Variants in SYN3 observed in about 807,000 individuals in gnomAD.
SYN3 encodes synapsin-3.
SYN3 carries 35 observed loss-of-function variants against 65.8 expected under a neutral mutation model. That is an observed-to-expected ratio of 0.53 (90% CI 0.41 to 0.70). The LOEUF is 0.70. Among genes scored for constraint, SYN3 ranks in the 30% least tolerant of loss-of-function variants. The pLI is 0.00. For synonymous variants in SYN3, 270 were observed against 292.9 expected (o/e 0.92, Z 0.80); for missense variants, 680 against 749.0 (o/e 0.91, Z 1.08).
chr22:32,787,778 T>G (rs566033069), intron 6 of SYN3, among the ~76,000 whole-genome samples: 7 of 152,176 alleles, frequency 4.6e-5, no homozygotes, highest in Non-Finnish European at 8.8e-5. Flanking sequence ...CTCCAGTGAC[T>G]GGGGATGGCT....
intron 6 of SYN3, among the ~76,000 whole-genome samples, chr22:32,809,939 C>T (rs1422450440): frequency 6.6e-6 from 1 of 152,196 alleles, no homozygotes; most frequent in Non-Finnish European, 1.5e-5. Flanking sequence ...CTGCCATTGT[C>T]ACTTCTCCCT....
chr22:32,870,804 C>T (rs1251681416), intron 4 of SYN3, among the ~76,000 whole-genome samples: 3 of 152,204 alleles, frequency 2.0e-5, no homozygotes, highest in Non-Finnish European at 2.9e-5. Flanking sequence ...TATTAACCAT[C>T]TGCATTTTCT....
intron 6 of SYN3, among the ~76,000 whole-genome samples, chr22:32,852,863 G>A (rs973332773): frequency 6.6e-6 from 1 of 152,196 alleles, no homozygotes; most frequent in Admixed American, 6.5e-5. Context: ...TCTAAGCTGT[G>A]GGGACCTTAT....
At chr22:32,898,979 G>A (rs1269237905) in intron 4 of SYN3, among the ~76,000 whole-genome samples, 1 of 152,134 alleles carries the variant, frequency 6.6e-6, no homozygotes, top group African/African-American at 2.4e-5. Context: ...GCGTGTGCCT[G>A]TAATCCCAGC....
chr22:32,817,938 G>A (rs544112029), intron 6 of SYN3, among the ~76,000 whole-genome samples: 44 of 152,224 alleles, frequency 2.9e-4, no homozygotes, highest in African/African-American at 7.5e-4. Flanking sequence ...TTACATCACC[G>A]TCCTACCTAA....
intron 6 of SYN3, among the ~76,000 whole-genome samples, chr22:32,607,320 C>T (rs1320313199): frequency 6.6e-6 from 1 of 152,180 alleles, no homozygotes; most frequent in Non-Finnish European, 1.5e-5. Context: ...TGCTGCAGAA[C>T]CTGCAACTCA....
chr22:32,757,856 G>T (rs1055835839), intron 6 of SYN3, among the ~76,000 whole-genome samples: 2 of 152,226 alleles, frequency 1.3e-5, no homozygotes, highest in Admixed American at 1.3e-4. Context: ...TGAAGGTTTG[G>T]GTCACTCCAC....
chr22:32,597,701 C>T (rs2059222657), intron 6 of SYN3, among the ~76,000 whole-genome samples: 2 of 152,190 alleles, frequency 1.3e-5, no homozygotes, highest in African/African-American at 4.8e-5. Context: ...CCTTAGGAAG[C>T]CACACTTGAG....
At chr22:32,628,181 G>A (rs1227615043) in intron 6 of SYN3, among the ~76,000 whole-genome samples, 2 of 152,044 alleles carry the variant, frequency 1.3e-5, no homozygotes, top group African/African-American at 2.4e-5. Context: ...CCCTGCTCTC[G>A]GCTACCAGAA....
chr22:32,536,422 A>AC (rs1247065902), intron 9 of SYN3, among the ~76,000 whole-genome samples: 2 of 124,378 alleles, frequency 1.6e-5, no homozygotes, highest in African/African-American at 6.6e-5. Context: ...CTGCACTCTG[A>AC]CTTGGGTATT....
At chr22:32,836,986 G>A (rs867594132) in intron 6 of SYN3, among the ~76,000 whole-genome samples, 4 of 152,210 alleles carry the variant, frequency 2.6e-5, no homozygotes, top group South Asian at 4.1e-4. Context: ...GCATCTGCGG[G>A]TCTGGCGTGC....
intron 2 of SYN3, among the ~76,000 whole-genome samples, chr22:33,005,052 C>G (rs1053478445): frequency 6.6e-6 from 1 of 152,180 alleles, no homozygotes; most frequent in South Asian, 2.1e-4. Flanking sequence ...GGCACTCATT[C>G]ATTCTCTCTC....
intron 4 of SYN3, among the ~76,000 whole-genome samples, chr22:32,877,739 C>T (rs1019385709): frequency 1.3e-5 from 2 of 152,066 alleles, no homozygotes; most frequent in South Asian, 2.1e-4. Flanking sequence ...AGACACCCTC[C>T]GCCCTTGCTT....
At chr22:32,569,257 A>ATCTG (rs1555898446) in intron 7 of SYN3, among the ~76,000 whole-genome samples, 2 of 12,080 alleles carry the variant, frequency 1.7e-4, no homozygotes, top group Non-Finnish European at 3.9e-4. Context: ...TGCATCCAAA[A>ATCTG]TCTATCTATC....
intron 1 of SYN3, among the ~76,000 whole-genome samples, chr22:33,047,355 A>C (rs941790270): frequency 2.6e-5 from 4 of 152,180 alleles, no homozygotes; most frequent in African/African-American, 9.7e-5. Context: ...AGAGACGAAC[A>C]CTCAATAATG....
At chr22:32,936,196 A>C (rs2050771275) in intron 3 of SYN3, among the ~76,000 whole-genome samples, 1 of 152,152 alleles carries the variant, frequency 6.6e-6, no homozygotes, top group Non-Finnish European at 1.5e-5. Context: ...TTACATATAC[A>C]CTCCCATCTT....
intron 6 of SYN3, among the ~76,000 whole-genome samples, chr22:32,818,167 C>A (rs1265539405): frequency 6.6e-6 from 1 of 152,166 alleles, no homozygotes; most frequent in Non-Finnish European, 1.5e-5. Context: ...AATGGCACTG[C>A]CAGTTCAGTG....
intron 7 of SYN3, among the ~76,000 whole-genome samples, chr22:32,592,491 T>G (rs948533117): frequency 5.9e-5 from 9 of 152,256 alleles, no homozygotes; most frequent in Admixed American, 2.0e-4. Context: ...TTTTTTTGTT[T>G]TAATACAAGG....
chr22:32,985,825 C>T (rs2052509442), intron 2 of SYN3, among the ~76,000 whole-genome samples: 1 of 152,020 alleles, frequency 6.6e-6, no homozygotes, highest in South Asian at 2.1e-4. Flanking sequence ...CAGGCCTTCA[C>T]CTCTGCTTGG....
Sources: gnomAD v4.1 joint callset for allele counts (sites outside exome capture counted in the v4.1 genomes callset) on GRCh38, gnomAD v4.1.1 for gene constraint, MANE v1.5 for transcripts, NCBI Gene and HGNC (gene_info 2026-07-23, HGNC 2026-07-21) for gene names.